The following NKAIN3 variants were observed in gnomAD, a reference collection of about 807,000 sequenced individuals.
The protein encoded by NKAIN3 is sodium/potassium-transporting ATPase subunit beta-1-interacting protein 3.
A neutral mutation model predicts 30.2 loss-of-function variants in NKAIN3; 25 were observed. That is an observed-to-expected ratio of 0.83 (90% CI 0.60 to 1.16). The LOEUF (loss-of-function observed/expected upper bound fraction) is 1.16. Among genes scored for constraint, NKAIN3 ranks in the 50% most tolerant of loss-of-function variants. The pLI is 0.00. For synonymous variants in NKAIN3, 91 were observed against 89.6 expected (o/e 1.02, Z -0.09); for missense variants, 225 against 254.1 (o/e 0.89, Z 0.78).
At chr8:62,724,975 T>A (rs777908440) in intron 3 of NKAIN3, among the ~76,000 whole-genome samples, 2 of 152,182 alleles carry the variant, frequency 1.3e-5, no homozygotes, top group Non-Finnish European at 2.9e-5. Flanking sequence ...CCACAGTGGT[T>A]GTGATAATTT....
chr8:62,548,686 G>A (rs1284437183), intron 1 of NKAIN3, among the ~76,000 whole-genome samples: 3 of 123,396 alleles, frequency 2.4e-5, no homozygotes, highest in African/African-American at 7.0e-5. Flanking sequence ...TTTATATTTT[G>A]TTAAGTAAAA....
chr8:62,428,734 C>A (rs1445041627), intron 1 of NKAIN3, among the ~76,000 whole-genome samples: 1 of 151,564 alleles, frequency 6.6e-6, no homozygotes, highest in Non-Finnish European at 1.5e-5. Context: ...GTTATTAATA[C>A]CCTTTCAGAT....
chr8:62,990,151 T>G, intron 5 of NKAIN3: 1 of 1,148,746 alleles, frequency 8.7e-7, no homozygotes, highest in African/African-American at 1.5e-5. Context: ...AAAAATCAAC[T>G]TATTTTTTAT....
intron 3 of NKAIN3, among the ~76,000 whole-genome samples, chr8:62,677,464 C>T (rs993082984): frequency 1.3e-5 from 2 of 152,198 alleles, no homozygotes; most frequent in African/African-American, 4.8e-5. Flanking sequence ...AAAAGGACCC[C>T]ATTGAGAGCT....
intron 3 of NKAIN3, among the ~76,000 whole-genome samples, chr8:62,642,748 C>T (rs998628080): frequency 2.0e-5 from 3 of 152,022 alleles, no homozygotes; most frequent in Admixed American, 6.6e-5. Context: ...TGTCCAAAGT[C>T]GTGTTAAGTA....
At chr8:62,689,368 A>G (rs1030906108) in intron 3 of NKAIN3, among the ~76,000 whole-genome samples, 1 of 152,138 alleles carries the variant, frequency 6.6e-6, no homozygotes, top group African/African-American at 2.4e-5. Context: ...ACACTTCAGT[A>G]TTTAAGCCAT....
chr8:62,618,939 G>C (rs2130219629), intron 3 of NKAIN3, among the ~76,000 whole-genome samples: 1 of 151,994 alleles, frequency 6.6e-6, no homozygotes, highest in South Asian at 2.1e-4. Context: ...GAAAAGAAAA[G>C]GGGAAATGGA....
chr8:62,568,332 G>A (rs1171874581), intron 1 of NKAIN3, among the ~76,000 whole-genome samples: 1 of 152,156 alleles, frequency 6.6e-6, no homozygotes, highest in Non-Finnish European at 1.5e-5. Context: ...AATAGGGATA[G>A]CATCAGATTA....
At chr8:62,812,571 T>A (rs1205595463) in intron 4 of NKAIN3, among the ~76,000 whole-genome samples, 2 of 151,872 alleles carry the variant, frequency 1.3e-5, no homozygotes, top group African/African-American at 4.8e-5. Context: ...TATTATTCTG[T>A]AACCTTGCTT....
intron 4 of NKAIN3, among the ~76,000 whole-genome samples, chr8:62,774,385 G>C (rs1367438031): frequency 1.3e-5 from 2 of 152,054 alleles, no homozygotes; most frequent in Non-Finnish European, 2.9e-5. Context: ...TTCCAATTTG[G>C]ATGCCCTTTA....
intron 1 of NKAIN3, among the ~76,000 whole-genome samples, chr8:62,534,864 T>TTG (rs1246715067): frequency 6.6e-6 from 1 of 151,500 alleles, no homozygotes; most frequent in Non-Finnish European, 1.5e-5. Context: ...TTTATTGGTT[T>TTG]TTTTTTTTTT....
intron 1 of NKAIN3, among the ~76,000 whole-genome samples, chr8:62,334,935 G>GT (rs1201518233): frequency 6.6e-6 from 1 of 152,054 alleles, no homozygotes; most frequent in Admixed American, 6.6e-5. Context: ...GGTTTTAAGA[G>GT]TAAGTAATTA....
At chr8:62,915,957 GA>G in intron 4 of NKAIN3, among the ~76,000 whole-genome samples, 2 of 152,238 alleles carry the variant, frequency 1.3e-5, no homozygotes, top group Middle Eastern at 3.4e-3. Context: ...AAATACATCA[GA>G]TGAAAAAGAA....
At chr8:62,799,128 G>A (rs563062892) in intron 4 of NKAIN3, among the ~76,000 whole-genome samples, 1 of 152,312 alleles carries the variant, frequency 6.6e-6, no homozygotes, top group African/African-American at 2.4e-5. Flanking sequence ...GGAATTGTAT[G>A]TGGAGATCTA....
At chr8:62,481,889 G>A (rs1806733283) in intron 1 of NKAIN3, among the ~76,000 whole-genome samples, 2 of 152,176 alleles carry the variant, frequency 1.3e-5, no homozygotes, top group Admixed American at 6.5e-5. Context: ...ACCTCAGAGT[G>A]TGTTTACCGA....
At chr8:62,603,232 A>T (rs1002670636) in intron 3 of NKAIN3, among the ~76,000 whole-genome samples, 2 of 152,188 alleles carry the variant, frequency 1.3e-5, no homozygotes, top group African/African-American at 4.8e-5. Context: ...AGTCTTGATG[A>T]TGAAGAATTT....
intron 3 of NKAIN3, among the ~76,000 whole-genome samples, chr8:62,638,950 CTT>C: frequency 6.6e-6 from 1 of 152,254 alleles, no homozygotes; most frequent in East Asian, 1.9e-4. Context: ...AATTCAGACT[CTT>C]TTACACCTAG....
intron 1 of NKAIN3, among the ~76,000 whole-genome samples, chr8:62,256,735 T>C (rs2625413): frequency 0.71 from 107,702 of 151,992 alleles, 38,424 homozygotes; most frequent in African/African-American, 0.79. Context: ...GGTGAAGTGC[T>C]CCCTCACAGC....
chr8:62,797,241 AT>A lies in NKAIN3; in HGVS notation c.471+50113del, dbSNP rs535340954. On this transcript the variant is annotated intron_variant, in intron 4 of 6. Coordinates refer to ENST00000623646, the MANE Select transcript of NKAIN3 (RefSeq NM_001304533.3). ...ATTTTTTCCAGACCCTAAAACTTAC[AT>A]AAATGGGCTCTCTTGTTCACCCAAA... Among the ~76,000 whole-genome samples the A allele has an allele frequency of 8.5e-5, 13 of 152,348 alleles. No homozygotes were observed. The South Asian group carries it at 2.7e-3, about 32-fold the overall frequency.
Sources: allele counts gnomAD v4.1 joint callset (sites outside exome capture counted in the v4.1 genomes callset), GRCh38; gene constraint gnomAD v4.1.1; transcripts MANE v1.5; gene names NCBI Gene and HGNC (gene_info 2026-07-23, HGNC 2026-07-21).